KCNK12: variants seen among roughly 807,000 people sequenced by gnomAD.
The protein encoded by KCNK12 is potassium two pore domain channel subfamily K member 12, also known as potassium channel subfamily K member 12.
In KCNK12, 6 loss-of-function variants were observed where a neutral mutation model predicts 25.3. The observed-to-expected ratio is 0.24, with a 90% confidence interval of 0.13 to 0.47. The LOEUF (loss-of-function observed/expected upper bound fraction) is 0.47, where lower values mean the gene tolerates loss of function less well. Among genes scored for constraint, KCNK12 ranks in the 20% least tolerant of loss-of-function variants. The probability of loss-of-function intolerance (pLI) is 0.99; values close to 1 mark genes in which losing one functional copy is unlikely to be tolerated. For missense variants in KCNK12, 444 were observed against 661.7 expected (o/e 0.67, Z 3.61); for synonymous variants, 331 against 311.1 (o/e 1.06, Z -0.67).
At chr2:47,549,897 G>A (rs1442372592) in intron 1 of KCNK12, among the ~76,000 whole-genome samples, 1 of 150,784 alleles carries the variant, frequency 6.6e-6, no homozygotes, top group African/African-American at 2.4e-5. Context: ...TCGCACCACT[G>A]CACTCCAGCC....
chr2:47,510,638 T>C lies in KCNK12; in HGVS notation c.*10269A>G, dbSNP rs779195814. ...ATGACCAACTCTCGTCGTTTATCTCTATTCAGTGGAACACAGCAGCACTGT... is the reference window on the plus strand; with the variant it reads ...ATGACCAACTCTCGTCGTTTATCTCCATTCAGTGGAACACAGCAGCACTGT... On this transcript the variant is annotated 3_prime_UTR_variant, in exon 2 of 2. Transcript: ENST00000327876. Among the ~76,000 whole-genome samples, 2 of 152,206 alleles carry C rather than the reference T, an allele frequency of 1.3e-5. No individual in the cohort carries two copies. The highest frequency in any genetic ancestry group is 2.9e-5 in the Non-Finnish European group (2 of 68,044).
At position 47,562,559 on chromosome 2, in the gene KCNK12, C is replaced by G. The variant is rs1490418274; in HGVS notation, c.391+7382G>C. 1.7e-5 allele frequency: 4 copies of G among 234,520 alleles called. No homozygotes were observed. The highest frequency in any genetic ancestry group is 2.5e-5 in the Non-Finnish European group (3 of 119,092). 14.5% of individuals were successfully genotyped at this position (234,520 alleles called of 1,614,324 possible). Reference sequence around the variant, plus strand: ...CATTCTCCACCACAGCCAGTGGCCACTTGGAGAGGGGACCTAGAGTCCCCT... The same window carrying G: ...CATTCTCCACCACAGCCAGTGGCCAGTTGGAGAGGGGACCTAGAGTCCCCT... On this transcript the variant is annotated intron_variant, in intron 1 of 1. Coordinates refer to ENST00000327876, the MANE Select transcript of KCNK12 (RefSeq NM_022055.2). The surrounding 1 kb of genome is among the most constrained non-coding windows in gnomAD (Gnocchi z 4.8).
chr2:47,534,540 G>T (rs1303907518), intron 1 of KCNK12, among the ~76,000 whole-genome samples: 6 of 59,350 alleles, frequency 1.0e-4, no homozygotes, highest in East Asian at 6.1e-4. Flanking sequence ...CCCACACACA[G>T]AAAGAGCAGA....
chr2:47,545,432 GGCT>G (rs1669292894), intron 1 of KCNK12, among the ~76,000 whole-genome samples: 1 of 152,224 alleles, frequency 6.6e-6, no homozygotes, highest in African/African-American at 2.4e-5. Context: ...AAACCAGGGA[GGCT>G]GCTGTCAGAG....
rs1201594718 is a variant in KCNK12 at position 47,511,679 on chromosome 2, A to G, written c.*9228T>C. 3.3e-5 allele frequency among the ~76,000 whole-genome samples: 5 copies of G among 152,218 alleles called. No individual in the cohort carries two copies. Among genetic ancestry groups the G allele is most frequent in the Non-Finnish European group, 1.5e-5 (1 of 68,032 alleles). On this transcript the variant is annotated 3_prime_UTR_variant, in exon 2 of 2. Coordinates refer to ENST00000327876, the MANE Select transcript of KCNK12 (RefSeq NM_022055.2). The surrounding 1 kb of genome is among the most constrained non-coding windows in gnomAD (Gnocchi z 4.3). ...AGACAAGGCCACTTGGAGGCAGAGG[A>G]GACCACAGTGGGGCATGATGGTTGG...
chr2:47,522,321 A>G (rs1668676903), intron 1 of KCNK12, among the ~76,000 whole-genome samples: 1 of 152,220 alleles, frequency 6.6e-6, no homozygotes, highest in South Asian at 2.1e-4. Context: ...ATCTCTTCAA[A>G]GATATCTAGC....
chr2:47,529,708 G>T lies in KCNK12; in HGVS notation c.392-7900C>A, dbSNP rs148094843. 5.1e-4 allele frequency among the ~76,000 whole-genome samples: 78 copies of T among 152,312 alleles called. No homozygotes were observed. Among genetic ancestry groups the T allele is most frequent in the African/African-American group, 1.9e-3 (77 of 41,564 alleles). On this transcript the variant is annotated intron_variant, in intron 1 of 1. Transcript: ENST00000327876. The surrounding 1 kb of genome is among the most constrained non-coding windows in gnomAD (Gnocchi z 4.3). ...AGTGCAGAGCATTTTCATGACTACA[G>T]AGAAACCATGGGAAGGCTGAGGCGT...
In KCNK12 at chr2:47,538,672, G is replaced by A. The variant is rs1669129650; in HGVS notation, c.392-16864C>T. On this transcript the variant is annotated intron_variant, in intron 1 of 1. Transcript: ENST00000327876. This position sits in a 1 kb window ranked among gnomAD's most constrained non-coding sequence, Gnocchi z 4.5. ...TGTAATCCCAGTTACTTGGAAGGCTGAGGCAGGAGAATCATTTGAACCCAG... is the reference window on the plus strand; with the variant it reads ...TGTAATCCCAGTTACTTGGAAGGCTAAGGCAGGAGAATCATTTGAACCCAG... 6.6e-6 allele frequency among the ~76,000 whole-genome samples: 1 copy of A among 152,176 alleles called. No homozygotes were observed. Among genetic ancestry groups the A allele is most frequent in the Non-Finnish European group, 1.5e-5 (1 of 68,030 alleles).
At chr2:47,534,618 C>T (rs1669019449) in intron 1 of KCNK12, among the ~76,000 whole-genome samples, 1 of 146,140 alleles carries the variant, frequency 6.8e-6, no homozygotes, top group Non-Finnish European at 1.5e-5. Context: ...TTTGATGGGA[C>T]AAAGACGTGA....
At chr2:47,558,262 C>G in intron 1 of KCNK12, among the ~76,000 whole-genome samples, 1 of 152,254 alleles carries the variant, frequency 6.6e-6, no homozygotes, top group East Asian at 1.9e-4. Context: ...CACACAGTCA[C>G]ACAAGTGATT....
chr2:47,544,858 T>A (rs1669278310), intron 1 of KCNK12, among the ~76,000 whole-genome samples: 1 of 152,120 alleles, frequency 6.6e-6, no homozygotes, highest in Non-Finnish European at 1.5e-5. Flanking sequence ...GATTCTGACA[T>A]CACATACCAA....
At position 47,562,125 on chromosome 2, in the gene KCNK12, C is replaced by T. The variant is rs1431282931; in HGVS notation, c.391+7816G>A. On this transcript the variant is annotated intron_variant, in intron 1 of 1. Transcript: ENST00000327876. The surrounding 1 kb of genome is among the most constrained non-coding windows in gnomAD (Gnocchi z 4.8). ...GCATCAGCATAGGCATTGCCAGGAG[C>T]TCATGAGGAATGCAGACTGTCAGGT... The T allele has an allele frequency of 5.0e-6, 2 of 398,544 alleles. No homozygotes were observed. Among genetic ancestry groups the T allele is most frequent in the African/African-American group, 2.1e-5 (1 of 48,642 alleles). The allele number at this position is 398,544 out of a possible 1,614,324, so 24.7% of individuals were successfully genotyped here.
chr2:47,563,851 G>A (rs895304932), intron 1 of KCNK12: 17 of 232,406 alleles, frequency 7.3e-5, no homozygotes, highest in Admixed American at 1.1e-4. Flanking sequence ...GCTGTTCGAC[G>A]CGGAGGCCCT....
Position 47,538,708 on chromosome 2 carries a change from C to T in KCNK12, c.392-16900G>A. Among the ~76,000 whole-genome samples, 1 of 152,146 alleles carries T rather than the reference C, an allele frequency of 6.6e-6. No individual in the cohort carries two copies. Among genetic ancestry groups the T allele is most frequent in the East Asian group, 1.9e-4 (1 of 5,184 alleles). Reference sequence around the variant, plus strand: ...ATCATTTGAACCCAGGAGGCAGAGGCTGCAGTGAGCCTAGACTGCACCACT... The same window carrying T: ...ATCATTTGAACCCAGGAGGCAGAGGTTGCAGTGAGCCTAGACTGCACCACT... On this transcript the variant is annotated intron_variant, in intron 1 of 1. Transcript: ENST00000327876. This position sits in a 1 kb window ranked among gnomAD's most constrained non-coding sequence, Gnocchi z 4.5.
At chr2:47,527,994 C>T (rs1044992750) in intron 1 of KCNK12, among the ~76,000 whole-genome samples, 2 of 152,164 alleles carry the variant, frequency 1.3e-5, no homozygotes, top group African/African-American at 4.8e-5. Flanking sequence ...CAGATCCTAC[C>T]CCCTTTGCTG....
rs1669777958 is a variant in KCNK12, at chr2:47,565,870, C to A, written c.391+4071G>T. 1 of 152,206 alleles carries A rather than the reference C, an allele frequency of 6.6e-6. No homozygotes were observed. The highest frequency in any genetic ancestry group is 2.1e-4 in the South Asian group (1 of 4,828). 9.4% of individuals were successfully genotyped at this position (152,206 alleles called of 1,614,324 possible). On this transcript the variant is annotated intron_variant, in intron 1 of 1. Transcript: ENST00000327876. The surrounding 1 kb of genome is among the most constrained non-coding windows in gnomAD (Gnocchi z 5.0). ...TTCATACAATCACAGGAAGTGCAGA[C>A]AACATGCCAAAGGCCACACATGCAT...
intron 1 of KCNK12, chr2:47,564,872 T>A (rs1409310346): frequency 6.6e-6 from 1 of 152,418 alleles, no homozygotes; most frequent in East Asian, 1.9e-4. Flanking sequence ...TAAAAAATAG[T>A]TGATGAGACT....
At chr2:47,535,069 C>T (rs1046959142) in intron 1 of KCNK12, 3 of 229,326 alleles carry the variant, frequency 1.3e-5, no homozygotes, top group African/African-American at 2.2e-5. Context: ...CCCTCGGGGA[C>T]GACTCAATGC....
chr2:47,523,735 G>A (rs555709674), intron 1 of KCNK12, among the ~76,000 whole-genome samples: 4 of 152,290 alleles, frequency 2.6e-5, no homozygotes, highest in African/African-American at 9.6e-5. Flanking sequence ...TTCACTTACT[G>A]CTTGGAGTCT....
Sources: gnomAD v4.1 joint callset for allele counts (sites outside exome capture counted in the v4.1 genomes callset) on GRCh38, gnomAD v4.1.1 for gene constraint, Gnocchi (gnomAD v3.1) non-coding constraint, MANE v1.5 for transcripts, NCBI Gene and HGNC (gene_info 2026-07-23, HGNC 2026-07-21) for gene names.